ZNF587B: variants seen among roughly 807,000 people sequenced by gnomAD.
ZNF587B encodes zinc finger protein 587B.
Under a neutral mutation model 7.2 loss-of-function variants are expected in ZNF587B, and 6 were observed. The ratio of observed to expected loss-of-function variants is 0.83; its 90% confidence interval spans 0.46 to 1.65. The LOEUF (loss-of-function observed/expected upper bound fraction) is 1.65. Among genes scored for constraint, ZNF587B ranks in the 40% most tolerant of loss-of-function variants. The probability of loss-of-function intolerance (pLI) is 0.01; values close to 1 mark genes in which losing one functional copy is unlikely to be tolerated. For synonymous variants in ZNF587B, 274 were observed against 254.3 expected (o/e 1.08, Z -0.74); for missense variants, 749 against 761.0 (o/e 0.98, Z 0.19).
At chr19:57,839,382 C>T (rs1213232791) in intron 2 of ZNF587B, among the ~76,000 whole-genome samples, 3 of 152,156 alleles carry the variant, frequency 2.0e-5, no homozygotes, top group African/African-American at 2.4e-5. Flanking sequence ...AGTCAGAAGC[C>T]CACCTTGTTA....
Position 57,842,378 on chromosome 19 carries a change from C to T in ZNF587B, c.1704C>T (p.His568=), listed in dbSNP as rs751716407. ...SFAASSYLTS[H]RRVHTGQKPY... ...CTGCAAGCTCCTATCTCACTAGTCACAGGAGAGTTCACACTGGTCAGAAGC... is the reference window on the plus strand; with the variant it reads ...CTGCAAGCTCCTATCTCACTAGTCATAGGAGAGTTCACACTGGTCAGAAGC... Residue 568 remains histidine (H), a synonymous_variant, in exon 3 of 3, where the codon CAC becomes CAT. Coordinates refer to ENST00000594901, the MANE Select transcript of ZNF587B (RefSeq NM_001376223.1). 6 of 1,602,822 alleles carry T rather than the reference C, an allele frequency of 3.7e-6. No homozygotes were observed. Among genetic ancestry groups the T allele is most frequent in the Non-Finnish European group, 5.1e-6 (6 of 1,175,080 alleles).
Position 57,839,026 on chromosome 19 carries a change from A to G in ZNF587B, c.40A>G (p.Thr14Ala), listed in dbSNP as rs763463355. ...VATLRLSAQG[T>A]VTFEDVAVKF... is the part of the protein sequence containing the mutation. ...TCATCTGTCAACATCATAACAGGGC[A>G]CAGTGACTTTTGAAGACGTGGCTGT... Residue 14 changes from threonine to alanine, a missense_variant, in exon 2 of 3, where the codon ACA becomes GCA. This residue lies in a region of ZNF587B where 21 missense variants were observed against 16.7 expected (regional missense o/e 1.25). Transcript: ENST00000594901. 2.5e-6 allele frequency: 4 copies of G among 1,613,926 alleles called. No homozygotes were observed. In the African/African-American group the frequency reaches 4.0e-5, roughly 16 times the overall value.
intron 1 of ZNF587B, among the ~76,000 whole-genome samples, chr19:57,833,019 A>G (rs1271300162): frequency 6.6e-6 from 1 of 152,258 alleles, no homozygotes; most frequent in East Asian, 1.9e-4. Context: ...ACTGGGTTTC[A>G]CCCAAGGCTC....
At position 57,844,515 on chromosome 19, in the gene ZNF587B, G is replaced by A. The variant is rs185718739; in HGVS notation, c.*1939G>A. On this transcript the variant is annotated 3_prime_UTR_variant, in exon 3 of 3. Coordinates refer to ENST00000594901, the MANE Select transcript of ZNF587B (RefSeq NM_001376223.1). ...TTGAAGGACAGCATAGCTAAACTGC[G>A]TGGCCCAAGGGACAGCATGAATGCA... is the stretch of plus-strand genomic sequence containing the variant. The A allele has an allele frequency of 1.7e-4, 34 of 201,882 alleles. 1 individual carries two copies. The highest frequency in any genetic ancestry group is 8.9e-4 in the Admixed American group (15 of 16,816). 12.5% of individuals were successfully genotyped at this position (201,882 alleles called of 1,614,324 possible).
chr19:57,839,301 A>T (rs1988750777), intron 2 of ZNF587B, among the ~76,000 whole-genome samples, 152 bp downstream of exon 2: 1 of 152,184 alleles, frequency 6.6e-6, no homozygotes. Flanking sequence ...TGAGGTGTAC[A>T]TACTGCCCTA....
At chr19:57,838,669 G>T (rs1265457133) in intron 1 of ZNF587B, among the ~76,000 whole-genome samples, 1 of 152,160 alleles carries the variant, frequency 6.6e-6, no homozygotes, top group Non-Finnish European at 1.5e-5. Flanking sequence ...GTGGTGTGTG[G>T]CAGTCAGCTG....
In ZNF587B at chr19:57,843,721, C is replaced by A. The variant is rs1259680394; in HGVS notation, c.*1145C>A. The A allele has an allele frequency of 2.8e-6, 1 of 354,230 alleles. No homozygotes were observed. The highest frequency in any genetic ancestry group is 2.3e-5 in the African/African-American group (1 of 44,312). The allele number at this position is 354,230 out of a possible 1,614,324, so 21.9% of individuals were successfully genotyped here. ...AGTTCAAGCAATTCTCCTTTCTCAG[C>A]CTCCTGAGTAGCTGGGATTACAGGT... On this transcript the variant is annotated 3_prime_UTR_variant, in exon 3 of 3. Transcript: ENST00000594901.
In ZNF587B at chr19:57,841,084, A is replaced by C. The variant is rs764834570; in HGVS notation, c.410A>C (p.Gln137Pro). The change falls in exon 3 of 3, where the codon CAG becomes CCG. Residue 137 changes from glutamine (Q) to proline (P), a missense_variant. Gln to Pro is a moderately conservative substitution (Grantham distance 76). Around this residue, in one of 3 missense-constraint regions of ZNF587B, gnomAD observed 656 missense variants for 596.5 expected, o/e 1.10. Coordinates refer to ENST00000594901, the MANE Select transcript of ZNF587B (RefSeq NM_001376223.1). Reference protein sequence around the residue: ...NKLYDSGNFHQHQNEHIGEKP... With the variant: ...NKLYDSGNFHPHQNEHIGEKP... ...TTGTATGACAGTGGAAACTTTCATC[A>C]GCACCAGAATGAGCACATTGGAGAG... 11 of 1,613,932 alleles carry C rather than the reference A, an allele frequency of 6.8e-6. No homozygotes were observed. In the African/African-American group the frequency reaches 1.3e-4, roughly 20 times the overall value.
At position 57,841,383 on chromosome 19, in the gene ZNF587B, C is replaced by T. The variant is rs569573056; in HGVS notation, c.709C>T (p.Pro237Ser). The change falls in exon 3 of 3, where the codon CCT (proline) becomes TCT (serine). Residue 237 changes from proline to serine, a missense_variant. By Grantham distance (74) the Pro-to-Ser change is moderately conservative. Coordinates refer to ENST00000594901, the MANE Select transcript of ZNF587B (RefSeq NM_001376223.1). ...HILSQHQRLL[P>S]REECYVCCEC... ...ACTCAGTCAGCACCAGAGACTTCTC[C>T]CTCGAGAAGAATGTTATGTGTGCTG... is the stretch of plus-strand genomic sequence containing the variant. 6.3e-7 allele frequency: 1 copy of T among 1,585,152 alleles called. No homozygotes were observed. The highest frequency in any genetic ancestry group is 1.8e-5 in the Admixed American group (1 of 54,850).
intron 1 of ZNF587B, among the ~76,000 whole-genome samples, chr19:57,836,331 G>A (rs554809161): frequency 6.6e-6 from 1 of 152,244 alleles, no homozygotes; most frequent in Non-Finnish European, 1.5e-5. Context: ...TTGCAATTCT[G>A]TGGTAATATT....
chr19:57,836,736 G>T (rs568298194), intron 1 of ZNF587B, among the ~76,000 whole-genome samples: 1 of 152,098 alleles, frequency 6.6e-6, no homozygotes, highest in Admixed American at 6.5e-5. Context: ...GGCCGAGATG[G>T]GTGGATCATT....
rs1429629141 is a variant in ZNF587B at position 57,842,126 on chromosome 19, C to T, written c.1452C>T (p.His484=). ...LFKKKSHLLV[H]QRIHSGEKPY... is the part of the protein sequence containing the mutation. ...AGAAGAAGTCTCACCTCCTTGTACA[C>T]CAGAGAATTCACAGTGGAGAGAAGC... The change falls in exon 3 of 3, where the codon CAC becomes CAT. Residue 484 remains histidine, a synonymous_variant. Transcript: ENST00000594901. 1.2e-6 allele frequency: 2 copies of T among 1,610,428 alleles called. No homozygotes were observed. Among genetic ancestry groups the T allele is most frequent in the South Asian group, 1.1e-5 (1 of 90,666 alleles).
At chr19:57,836,572 T>G (rs1988614565) in intron 1 of ZNF587B, among the ~76,000 whole-genome samples, 1 of 152,150 alleles carries the variant, frequency 6.6e-6, no homozygotes, top group African/African-American at 2.4e-5. Context: ...TCCAGGCTGT[T>G]CTTGAACTCC....
chr19:57,837,165 G>A (rs1988648086), intron 1 of ZNF587B, among the ~76,000 whole-genome samples: 1 of 152,062 alleles, frequency 6.6e-6, no homozygotes, highest in Non-Finnish European at 1.5e-5. Flanking sequence ...TGCATGCCAT[G>A]GCCGTGGTTG....
intron 1 of ZNF587B, among the ~76,000 whole-genome samples, chr19:57,838,233 C>G (rs1160970099): frequency 6.6e-6 from 1 of 151,508 alleles, no homozygotes; most frequent in African/African-American, 2.4e-5. Context: ...TCAGGAGAAC[C>G]CAGGAGGCAG....
chr19:57,839,308 C>T (rs1988751225), intron 2 of ZNF587B, among the ~76,000 whole-genome samples, 159 bp downstream of exon 2: 1 of 152,166 alleles, frequency 6.6e-6, no homozygotes, highest in East Asian at 1.9e-4. Context: ...TACATACTGC[C>T]CTACTCCTTT....
At chr19:57,839,302 T>TA (rs1415835104) in intron 2 of ZNF587B, among the ~76,000 whole-genome samples, 153 bp downstream of exon 2, 1 of 152,212 alleles carries the variant, frequency 6.6e-6, no homozygotes, top group Non-Finnish European at 1.5e-5. Flanking sequence ...GAGGTGTACA[T>TA]ACTGCCCTAC....
rs548522908 is a variant in ZNF587B at position 57,830,433 on chromosome 19, C to T, written c.-96C>T. On this transcript the variant is annotated 5_prime_UTR_variant, in exon 1 of 3. Transcript: ENST00000594901. Reference sequence around the variant, plus strand: ...TCTGGAGCTCTGTGACGGCGCCAAGCGTGACCCACCCCTGGGCCAGGATAG... The same window carrying T: ...TCTGGAGCTCTGTGACGGCGCCAAGTGTGACCCACCCCTGGGCCAGGATAG... The T allele has an allele frequency of 1.1e-5, 15 of 1,374,426 alleles. No homozygotes were observed. Among genetic ancestry groups the T allele is most frequent in the Admixed American group, 8.0e-5 (4 of 49,948 alleles). The allele number at this position is 1,374,426 out of a possible 1,614,324, so 85.1% of individuals were successfully genotyped here. A position where few individuals can be genotyped will look rare whatever the true frequency, so the allele number is the denominator to read the frequency against.
In ZNF587B at chr19:57,843,348, A is replaced by G. The variant is rs1465427777; in HGVS notation, c.*772A>G. On this transcript the variant is annotated 3_prime_UTR_variant, in exon 3 of 3. Transcript: ENST00000594901. ...ATCCTTTGAGGGCACCATGTGCCCA[A>G]ATTGAAAAAACTCCAGGCATGTGGC... The G allele has an allele frequency of 1.0e-6, 1 of 985,262 alleles. No individual in the cohort carries two copies. Among genetic ancestry groups the G allele is most frequent in the Non-Finnish European group, 1.2e-6 (1 of 829,922 alleles). The allele number at this position is 985,262 out of a possible 1,614,324, so 61.0% of individuals were successfully genotyped here.
Sources: gnomAD v4.1 joint callset for allele counts (sites outside exome capture counted in the v4.1 genomes callset) on GRCh38, gnomAD v4.1.1 for gene constraint, gnomAD v4.1.1 regional missense constraint, MANE v1.5 for transcripts, NCBI Gene and HGNC (gene_info 2026-07-23, HGNC 2026-07-21) for gene names.